Variants in SSBP2 observed in about 807,000 individuals in gnomAD.
SSBP2 encodes the protein single stranded DNA binding protein 2, also known as single-stranded DNA-binding protein 2.
Under a neutral mutation model 61.8 loss-of-function variants are expected in SSBP2, and 17 were observed. The ratio of observed to expected loss-of-function variants is 0.28; its 90% CI spans 0.19 to 0.41. The LOEUF (loss-of-function observed/expected upper bound fraction) is 0.41. Among genes scored for constraint, SSBP2 ranks in the 10% least tolerant of loss-of-function variants. The pLI, the probability that SSBP2 is intolerant of heterozygous loss-of-function variation, is 1.00. For missense variants in SSBP2, 310 were observed against 458.7 expected, an observed-to-expected ratio of 0.68 and a Z score of 2.96; for synonymous variants, 139 against 141.3, an observed-to-expected ratio of 0.98 and a Z score of 0.12.
At position 81,528,553 on chromosome 5, in the gene SSBP2, G is replaced by T. The variant is rs143289487; in HGVS notation, c.283-14836C>A. Among the ~76,000 whole-genome samples the T allele has an allele frequency of 3.0e-3, 454 of 152,020 alleles. 4 individuals are homozygous for T. The highest frequency in any genetic ancestry group is 4.6e-3 in the South Asian group (22 of 4,818). ...AATAGTAATTTGACTACTGTAACAT[G>T]CCCACATAATTCATTTTCAAGATCA... is the stretch of plus-strand genomic sequence containing the variant. On this transcript the variant is annotated intron_variant, in intron 4 of 16. Transcript: ENST00000320672.
At chr5:81,750,386 CCCGCTCGGCCGCTCCACGCCCGGCTT>C (rs1757665308) in intron 1 of SSBP2, among the ~76,000 whole-genome samples, 1 of 146,248 alleles carries the variant, frequency 6.8e-6, no homozygotes, top group Non-Finnish European at 1.5e-5. Flanking sequence ...CCCGCGGGGC[CCCGCTCGGCCGCTCCACGCCCGGCTT>C]CCGCCCGCCG....
At chr5:81,579,899 C>A (rs1774513929) in intron 4 of SSBP2, among the ~76,000 whole-genome samples, 1 of 151,990 alleles carries the variant, frequency 6.6e-6, no homozygotes. Flanking sequence ...CCTCTTTGCA[C>A]CACATATGTA....
intron 1 of SSBP2, among the ~76,000 whole-genome samples, chr5:81,654,917 G>A (rs1255942050): frequency 6.6e-6 from 1 of 151,746 alleles, no homozygotes; most frequent in Non-Finnish European, 1.5e-5. Flanking sequence ...CAGGAGGATA[G>A]CTTGAGCCCT....
intron 4 of SSBP2, among the ~76,000 whole-genome samples, chr5:81,613,062 T>C (rs1204797042): frequency 2.0e-5 from 3 of 152,120 alleles, no homozygotes; most frequent in Non-Finnish European, 4.4e-5. Context: ...TATAAAATCA[T>C]GTAGGTCAAA....
chr5:81,671,200 A>AAATGTATGGT (rs1318093319), intron 1 of SSBP2, among the ~76,000 whole-genome samples: 1 of 152,172 alleles, frequency 6.6e-6, no homozygotes, highest in African/African-American at 2.4e-5. Flanking sequence ...TAGAGGATAG[A>AAATGTATGGT]AATGTATGGT....
chr5:81,750,179 C>A (rs1390285716), intron 1 of SSBP2, among the ~76,000 whole-genome samples: 1 of 151,868 alleles, frequency 6.6e-6, no homozygotes, highest in African/African-American at 2.4e-5. Context: ...CACTTTAGCT[C>A]CCCGGGAACT....
intron 8 of SSBP2, among the ~76,000 whole-genome samples, chr5:81,471,853 TC>T (rs1765267107): frequency 1.3e-5 from 2 of 151,862 alleles, no homozygotes; most frequent in Admixed American, 1.3e-4. Context: ...ATATGGCATC[TC>T]CAAAAAGTCT....
chr5:81,609,403 C>T (rs565984151), intron 4 of SSBP2, among the ~76,000 whole-genome samples: 1 of 152,244 alleles, frequency 6.6e-6, no homozygotes, highest in East Asian at 1.9e-4. Flanking sequence ...AGCATTTAAA[C>T]CTATACAGTA....
intron 5 of SSBP2, among the ~76,000 whole-genome samples, chr5:81,505,904 C>A (rs549477639): frequency 6.6e-6 from 1 of 152,254 alleles, no homozygotes; most frequent in African/African-American, 2.4e-5. Flanking sequence ...GAAAGTGTTT[C>A]ATTTGATTCT....
chr5:81,472,551 A>G (rs1325600176), intron 8 of SSBP2, among the ~76,000 whole-genome samples: 1 of 152,142 alleles, frequency 6.6e-6, no homozygotes, highest in African/African-American at 2.4e-5. Flanking sequence ...ATGGAAATAT[A>G]TTTTATACTT....
At chr5:81,527,877 T>C (rs1770075725) in intron 4 of SSBP2, among the ~76,000 whole-genome samples, 2 of 149,276 alleles carry the variant, frequency 1.3e-5, no homozygotes, top group Admixed American at 6.7e-5. Context: ...GCGTTCTACG[T>C]ATGTATCCCA....
rs577623115 is a variant in SSBP2, at chr5:81,568,655, C to A, written c.282+46818G>T. On this transcript the variant is annotated intron_variant, in intron 4 of 16. Transcript: ENST00000320672. ...AACGTAGCTGTCATTGTACAAATAT[C>A]ACTACCATTATAAAAAGAACATAAA... Among the ~76,000 whole-genome samples, 138 of 152,300 alleles carry A rather than the reference C, an allele frequency of 9.1e-4. 1 individual carries two copies. Among genetic ancestry groups the A allele is most frequent in the Non-Finnish European group, 1.4e-3 (94 of 68,024 alleles).
chr5:81,677,534 G>A (rs1001137164), intron 1 of SSBP2, among the ~76,000 whole-genome samples: 5 of 152,176 alleles, frequency 3.3e-5, no homozygotes, highest in South Asian at 2.1e-4. Context: ...AAAACTCCAC[G>A]GGGAACCAGT....
intron 2 of SSBP2, among the ~76,000 whole-genome samples, chr5:81,648,237 T>C (rs763767787): frequency 6.6e-6 from 1 of 152,144 alleles, no homozygotes; most frequent in Admixed American, 6.6e-5. Context: ...TATCAGTGAA[T>C]GCGACTTAGA....
intron 1 of SSBP2, among the ~76,000 whole-genome samples, chr5:81,728,358 A>T (rs967328784): frequency 3.9e-5 from 6 of 152,174 alleles, no homozygotes; most frequent in Non-Finnish European, 8.8e-5. Flanking sequence ...TTTTTAAATA[A>T]ATAAAACATT....
intron 5 of SSBP2, among the ~76,000 whole-genome samples, chr5:81,499,505 T>C (rs1303309826): frequency 1.3e-5 from 2 of 152,204 alleles, no homozygotes; most frequent in East Asian, 3.8e-4. Flanking sequence ...AAACTGTGAA[T>C]GTTTTCATAA....
chr5:81,596,990 G>A (rs1009115364), intron 4 of SSBP2, among the ~76,000 whole-genome samples: 1 of 151,654 alleles, frequency 6.6e-6, no homozygotes, highest in African/African-American at 2.4e-5. Context: ...TTGACAAATG[G>A]GATCTAATTA....
At chr5:81,425,559 G>A (rs1761900346) in intron 16 of SSBP2, among the ~76,000 whole-genome samples, 1 of 152,048 alleles carries the variant, frequency 6.6e-6, no homozygotes, top group Non-Finnish European at 1.5e-5. Context: ...ATTAATTCAG[G>A]AAATAAGACC....
intron 4 of SSBP2, among the ~76,000 whole-genome samples, chr5:81,531,863 C>T (rs1770438043): frequency 6.6e-6 from 1 of 151,992 alleles, no homozygotes; most frequent in Admixed American, 6.6e-5. Context: ...AAGAGGGCAC[C>T]TCTTCTGGAA....
Sources: gnomAD v4.1 joint callset for allele counts (sites outside exome capture counted in the v4.1 genomes callset) on GRCh38, gnomAD v4.1.1 for gene constraint, MANE v1.5 for transcripts, NCBI Gene and HGNC (gene_info 2026-07-23, HGNC 2026-07-21) for gene names.